Variants in DPYSL2 observed in about 807,000 individuals in gnomAD.
The protein encoded by DPYSL2 is dihydropyrimidinase-related protein 2.
DPYSL2 carries 13 observed loss-of-function variants against 69.9 expected under a neutral mutation model. The observed-to-expected ratio is 0.19, with a 90% CI of 0.12 to 0.30. The LOEUF (loss-of-function observed/expected upper bound fraction) is 0.30. Ranked by LOEUF, DPYSL2 falls within the 10% of genes least tolerant of loss-of-function variation. The pLI is 1.00. For synonymous variants in DPYSL2, 326 were observed against 359.1 expected (o/e 0.91, Z 1.04); for missense variants, 587 against 918.9 (o/e 0.64, Z 4.67).
chr8:26,575,058 C>T (rs545761600), intron 1 of DPYSL2, among the ~76,000 whole-genome samples: 1 of 152,238 alleles, frequency 6.6e-6, no homozygotes, highest in Admixed American at 6.5e-5. Flanking sequence ...CTCAGCCTCC[C>T]GAATGGCTGG....
intron 1 of DPYSL2, chr8:26,547,734 G>T: frequency 3.9e-6 from 1 of 256,258 alleles, no homozygotes; most frequent in South Asian, 4.4e-5. Context: ...GAGTGCATCT[G>T]AGCGGGAAGG....
Position 26,627,854 on chromosome 8 carries a change from T to G in DPYSL2, c.937-18T>G, listed in dbSNP as rs1802655601. The G allele has an allele frequency of 1.2e-6, 2 of 1,613,024 alleles. No homozygotes were observed. Among genetic ancestry groups the G allele is most frequent in the Non-Finnish European group, 1.7e-6 (2 of 1,179,822 alleles). ...AATCCACTCTCCCTCACAGCCTGAC[T>G]TTCTCTAAACATTGCAGGAGCAGCA... is the stretch of plus-strand genomic sequence containing the variant. On this transcript the variant is annotated intron_variant, in intron 6 of 13. Coordinates refer to ENST00000521913, the MANE Select transcript of DPYSL2 (RefSeq NM_001197293.3). This position sits in a 1 kb window ranked among gnomAD's most constrained non-coding sequence, Gnocchi z 6.9.
rs139493518 is a variant in DPYSL2 at position 26,614,557 on chromosome 8, G to A, written c.629-9586G>A. Among the ~76,000 whole-genome samples, 1 of 152,270 alleles carries A rather than the reference G, an allele frequency of 6.6e-6. No homozygotes were observed. The highest frequency in any genetic ancestry group is 1.5e-5 in the Non-Finnish European group (1 of 68,016). On this transcript the variant is annotated intron_variant, in intron 3 of 13. Coordinates refer to ENST00000521913, the MANE Select transcript of DPYSL2 (RefSeq NM_001197293.3). This position sits in a 1 kb window ranked among gnomAD's most constrained non-coding sequence, Gnocchi z 4.9. Reference sequence around the variant, plus strand: ...CTCTTTGTTTCCTCCAAAGTTGGCCGATCACCAGATCACTTAAAGGAGGTT... The same window carrying A: ...CTCTTTGTTTCCTCCAAAGTTGGCCAATCACCAGATCACTTAAAGGAGGTT...
chr8:26,578,480 C>A (rs1801410797), intron 1 of DPYSL2: 3 of 1,448,788 alleles, frequency 2.1e-6, no homozygotes, highest in South Asian at 2.9e-5. Flanking sequence ...GATTAGAAGT[C>A]GCATCGTTTG....
intron 1 of DPYSL2, among the ~76,000 whole-genome samples, chr8:26,542,256 A>T (rs1225737696): frequency 6.6e-6 from 1 of 152,144 alleles, no homozygotes; most frequent in Admixed American, 6.5e-5. Flanking sequence ...ACTGAACTCT[A>T]GTCTGGGTGA....
chr8:26,541,692 A>G lies in DPYSL2; in HGVS notation c.354+27013A>G, dbSNP rs1800686375. 2.6e-5 allele frequency among the ~76,000 whole-genome samples: 4 copies of G among 152,200 alleles called. No individual in the cohort carries two copies. The South Asian group carries it at 8.3e-4, about 31-fold the overall frequency. ...AGAATACAAAGTGCTTGTGTGGGGG[A>G]GTAAAATGGTAGTGTTTTTTTATAC... On this transcript the variant is annotated intron_variant, in intron 1 of 13. Coordinates refer to ENST00000521913, the MANE Select transcript of DPYSL2 (RefSeq NM_001197293.3).
chr8:26,599,470 T>G (rs1308341673), intron 3 of DPYSL2, among the ~76,000 whole-genome samples: 1 of 152,164 alleles, frequency 6.6e-6, no homozygotes, highest in African/African-American at 2.4e-5. Context: ...CTATTCTTGC[T>G]TCTTCTTAGA....
chr8:26,552,437 T>C (rs1287798465), intron 1 of DPYSL2, among the ~76,000 whole-genome samples: 1 of 151,938 alleles, frequency 6.6e-6, no homozygotes, highest in Non-Finnish European at 1.5e-5. Context: ...AAAGAGAAAA[T>C]AAAACCAAAA....
Position 26,557,787 on chromosome 8 carries a change from AAAAC to A in DPYSL2, c.355-24161_355-24158del, listed in dbSNP as rs369417683. 1.3e-3 allele frequency among the ~76,000 whole-genome samples: 198 copies of A among 151,856 alleles called. 1 individual carries two copies. The highest frequency in any genetic ancestry group is 4.3e-3 in the African/African-American group (177 of 41,428). ...CTGGGTGACAAAGAAGACTTTTTCT[AAAAC>A]AAACAAACAAACAAACAAACCCAGC... On this transcript the variant is annotated intron_variant, in intron 1 of 13. Coordinates refer to ENST00000521913, the MANE Select transcript of DPYSL2 (RefSeq NM_001197293.3).
chr8:26,521,104 A>G (rs952826388), intron 1 of DPYSL2, among the ~76,000 whole-genome samples: 4 of 152,200 alleles, frequency 2.6e-5, no homozygotes, highest in African/African-American at 7.2e-5. Flanking sequence ...CTAATGAAAG[A>G]GTCATCAATA....
Position 26,605,379 on chromosome 8 carries a change from G to A in DPYSL2, c.629-18764G>A, listed in dbSNP as rs1421304276. On this transcript the variant is annotated intron_variant, in intron 3 of 13. Coordinates refer to ENST00000521913, the MANE Select transcript of DPYSL2 (RefSeq NM_001197293.3). This position sits in a 1 kb window ranked among gnomAD's most constrained non-coding sequence, Gnocchi z 4.1. ...CGGCTCACTGCAACCTCCAGCTCCC[G>A]GGTTCAAGTGATTCTCTTGCCTCAG... Among the ~76,000 whole-genome samples, 1 of 151,972 alleles carries A rather than the reference G, an allele frequency of 6.6e-6. No homozygotes were observed. The highest frequency in any genetic ancestry group is 2.4e-5 in the African/African-American group (1 of 41,346).
rs944620248 is a variant in DPYSL2, at chr8:26,617,307, G to A, written c.629-6836G>A. Among the ~76,000 whole-genome samples, 9 of 152,128 alleles carry A rather than the reference G, an allele frequency of 5.9e-5. No individual in the cohort carries two copies. Among genetic ancestry groups the A allele is most frequent in the Admixed American group, 6.5e-5 (1 of 15,278 alleles). On this transcript the variant is annotated intron_variant, in intron 3 of 13. Transcript: ENST00000521913. This position sits in a 1 kb window ranked among gnomAD's most constrained non-coding sequence, Gnocchi z 4.7. ...AAAAAGTTCCAGCCTGGGCAGCATAGCGAGACCTATTGTCTCTACACATAA... is the reference window on the plus strand; with the variant it reads ...AAAAAGTTCCAGCCTGGGCAGCATAACGAGACCTATTGTCTCTACACATAA...
chr8:26,572,889 C>T (rs1376268635), intron 1 of DPYSL2, among the ~76,000 whole-genome samples: 4 of 152,094 alleles, frequency 2.6e-5, no homozygotes, highest in East Asian at 1.9e-4. Context: ...GTTATGGTGT[C>T]GGTGAGGATT....
At chr8:26,599,034 G>C (rs1232627818) in intron 3 of DPYSL2, among the ~76,000 whole-genome samples, 1 of 152,194 alleles carries the variant, frequency 6.6e-6, no homozygotes, top group Non-Finnish European at 1.5e-5. Flanking sequence ...AGCTGGAGAA[G>C]GCCTGTTGTC....
At position 26,562,890 on chromosome 8, in the gene DPYSL2, T is replaced by C. The variant is rs922811000; in HGVS notation, c.355-19079T>C. The stretch of plus-strand genomic sequence containing the variant: ...AGAATCTTTCTCACTCATACGTCTG[T>C]CACCTTGGCACCATGGCAGGAAGGC... On this transcript the variant is annotated intron_variant, in intron 1 of 13. Transcript: ENST00000521913. This position sits in a 1 kb window ranked among gnomAD's most constrained non-coding sequence, Gnocchi z 4.9. 2.6e-5 allele frequency among the ~76,000 whole-genome samples: 4 copies of C among 152,296 alleles called. No homozygotes were observed. Among genetic ancestry groups the C allele is most frequent in the African/African-American group, 9.6e-5 (4 of 41,570 alleles).
chr8:26,581,715 T>C (rs1801497514), intron 1 of DPYSL2, among the ~76,000 whole-genome samples: 1 of 152,120 alleles, frequency 6.6e-6, no homozygotes, highest in Non-Finnish European at 1.5e-5. Flanking sequence ...CTTTTTTTTT[T>C]TCTTTGGAGT....
At chr8:26,536,372 T>C (rs912463104) in intron 1 of DPYSL2, among the ~76,000 whole-genome samples, 5 of 151,942 alleles carry the variant, frequency 3.3e-5, no homozygotes, top group African/African-American at 1.2e-4. Context: ...AATGTGTTTT[T>C]TAAAAAGTAA....
chr8:26,518,003 C>A (rs951745659), intron 1 of DPYSL2, among the ~76,000 whole-genome samples: 7 of 152,224 alleles, frequency 4.6e-5, no homozygotes, highest in African/African-American at 1.7e-4. Flanking sequence ...TTCCAAAGGG[C>A]AACAGGTTCT....
rs1371229906 is a variant in DPYSL2, at chr8:26,624,098, C to A, written c.629-45C>A. 2 of 1,609,250 alleles carry A rather than the reference C, an allele frequency of 1.2e-6. No individual in the cohort carries two copies. The highest frequency in any genetic ancestry group is 1.7e-5 in the Admixed American group (1 of 59,766). On this transcript the variant is annotated intron_variant, in intron 3 of 13. Coordinates refer to ENST00000521913, the MANE Select transcript of DPYSL2 (RefSeq NM_001197293.3). The surrounding 1 kb of genome is among the most constrained non-coding windows in gnomAD (Gnocchi z 4.7). ...GGGAAAATACCTGCTGGCCCACGGC[C>A]CTTGAGGCTCTTGGTGATGATGACA...
Sources: allele counts gnomAD v4.1 joint callset (sites outside exome capture counted in the v4.1 genomes callset), GRCh38; gene constraint gnomAD v4.1.1; non-coding constraint Gnocchi (gnomAD v3.1); transcripts MANE v1.5; gene names NCBI Gene and HGNC (gene_info 2026-07-23, HGNC 2026-07-21).